Variants in PARD3B observed in about 807,000 individuals in gnomAD.
PARD3B encodes partitioning defective 3 homolog B.
PARD3B carries 103 observed loss-of-function variants against 130.2 expected under a neutral mutation model. The ratio of observed to expected loss-of-function variants is 0.79; its 90% CI spans 0.67 to 0.93. The LOEUF is 0.93. PARD3B is among the 40% of genes least tolerant of loss of function. The pLI is 0.00. For missense variants in PARD3B, 1,609 were observed against 1,499.2 expected, an observed-to-expected ratio of 1.07 and a Z score of -1.21; for synonymous variants, 583 against 553.2, an observed-to-expected ratio of 1.05 and a Z score of -0.76.
In PARD3B at chr2:205,550,403, C is replaced by T. The variant is rs1575331096; in HGVS notation, c.3181-2921C>T. On this transcript the variant is annotated intron_variant, in intron 21 of 22. Coordinates refer to ENST00000406610, the MANE Select transcript of PARD3B (RefSeq NM_001302769.2). The surrounding 1 kb of genome is among the most constrained non-coding windows in gnomAD (Gnocchi z 4.5). Reference sequence around the variant, plus strand: ...TCATTGCTTTGAATACAGTGAATGACTGCATTAATGATGTTGCAGTATCAA... The same window carrying T: ...TCATTGCTTTGAATACAGTGAATGATTGCATTAATGATGTTGCAGTATCAA... Among the ~76,000 whole-genome samples the T allele has an allele frequency of 6.6e-6, 1 of 152,174 alleles. No individual in the cohort carries two copies. Among genetic ancestry groups the T allele is most frequent in the South Asian group, 2.1e-4 (1 of 4,834 alleles).
intron 2 of PARD3B, among the ~76,000 whole-genome samples, chr2:204,827,650 G>A (rs6706563): frequency 0.99 from 150,984 of 152,358 alleles, 74,829 homozygotes; most frequent in Middle Eastern, 1. Flanking sequence ...AAGTAATCTG[G>A]TCACAATAAA....
At position 205,182,182 on chromosome 2, in the gene PARD3B, C is replaced by T. The variant is rs181931280; in HGVS notation, c.1925-3582C>T. Among the ~76,000 whole-genome samples, 75 of 152,130 alleles carry T rather than the reference C, an allele frequency of 4.9e-4. 1 individual carries two copies. In the East Asian group the frequency reaches 0.013, roughly 27 times the overall value. ...TGGCAGGTGCCTGTAGTCCCAGCTA[C>T]GCGGGAGGCTGAGGCAGGAGAATGG... On this transcript the variant is annotated intron_variant, in intron 13 of 22. Transcript: ENST00000406610.
intron 16 of PARD3B, among the ~76,000 whole-genome samples, chr2:205,256,538 A>G (rs934631707): frequency 2.6e-5 from 4 of 152,192 alleles, no homozygotes; most frequent in African/African-American, 9.6e-5. Context: ...GAGGAAGATT[A>G]TGGTTGGGGG....
chr2:204,943,040 GAAAAGACAAGAAAGACTTTGTGTA>G lies in PARD3B; in HGVS notation c.223-22085_223-22062del, dbSNP rs538629900. Among the ~76,000 whole-genome samples, 2 of 151,746 alleles carry G rather than the reference GAAAAGACAAGAAAGACTTTGTGTA, an allele frequency of 1.3e-5. No individual in the cohort carries two copies. The highest frequency in any genetic ancestry group is 2.1e-4 in the South Asian group (1 of 4,822). On this transcript the variant is annotated intron_variant, in intron 2 of 22. Coordinates refer to ENST00000406610, the MANE Select transcript of PARD3B (RefSeq NM_001302769.2). This position sits in a 1 kb window ranked among gnomAD's most constrained non-coding sequence, Gnocchi z 4.2. Reference sequence around the variant, plus strand: ...CCCCTGAAAAATAAAAATTAAAAAAGAAAAGACAAGAAAGACTTTGTGTAAAAAGACAAGAAAGACTTTGTGTAA... The same window carrying G: ...CCCCTGAAAAATAAAAATTAAAAAAGAAAAGACAAGAAAGACTTTGTGTAA...
Position 205,615,563 on chromosome 2 carries a change from A to T in PARD3B, c.3368A>T (p.Lys1123Ile), listed in dbSNP as rs761535119. The change falls in exon 23 of 23, where the codon AAA (lysine) becomes ATA (isoleucine). Residue 1123 changes from lysine to isoleucine, a missense_variant. Physicochemically the swap from Lys to Ile is moderately radical, Grantham distance 102 (BLOSUM62 -3). Transcript: ENST00000406610. ...GGGGCTCATCCTATGCACCCTCCCA[A>T]AGGGAGCTATCCCCGCCCCACAGAG... The part of the protein sequence containing the change: ...YPGAHPMHPP[K>I]GSYPRPTELR... The T allele has an allele frequency of 6.2e-7, 1 of 1,613,958 alleles. No homozygotes were observed. The highest frequency in any genetic ancestry group is 1.3e-5 in the African/African-American group (1 of 74,888).
intron 2 of PARD3B, among the ~76,000 whole-genome samples, chr2:204,779,140 C>G (rs928307647): frequency 4.6e-5 from 7 of 152,146 alleles, no homozygotes; most frequent in Admixed American, 1.3e-4. Flanking sequence ...TCTCCTCCCC[C>G]TCAGGTTTCT....
chr2:205,526,299 G>A (rs1025209483), intron 21 of PARD3B, among the ~76,000 whole-genome samples: 2 of 152,162 alleles, frequency 1.3e-5, no homozygotes, highest in African/African-American at 4.8e-5. Context: ...TCACAGGTCT[G>A]GCCCACTCAA....
At chr2:205,056,615 C>A (rs1031617864) in intron 4 of PARD3B, among the ~76,000 whole-genome samples, 2 of 151,600 alleles carry the variant, frequency 1.3e-5, no homozygotes, top group Non-Finnish European at 2.9e-5. Context: ...CTACTTTTAG[C>A]AAATCTTTTT....
At position 205,401,039 on chromosome 2, in the gene PARD3B, G is replaced by A; in HGVS notation, c.2657G>A (p.Gly886Asp). The A allele has an allele frequency of 3.1e-6, 5 of 1,601,716 alleles. No individual in the cohort carries two copies. Among genetic ancestry groups the A allele is most frequent in the Middle Eastern group, 3.3e-4 (2 of 6,044 alleles). The change falls in exon 19 of 23, where the codon GGT becomes GAT. Residue 886 changes from glycine (G) to aspartate (D), a missense_variant. Transcript: ENST00000406610. ...TTTGGAAAGAAGAAAGAGGATAAGG[G>A]TGGAAAGGCTGAGCAGAAAGGTACT... Reference protein sequence around the residue: ...LRFGKKKEDKGGKAEQKGTLK... With the variant: ...LRFGKKKEDKDGKAEQKGTLK...
In PARD3B at chr2:205,565,373, C is replaced by T. The variant is rs796568236; in HGVS notation, c.3260+11970C>T. On this transcript the variant is annotated intron_variant, in intron 22 of 22. Transcript: ENST00000406610. The stretch of plus-strand genomic sequence containing the variant: ...TCTTGGTCACTTTCCATTGATATGT[C>T]GGTGCCTTTGACAATTTATGTTAAA... Among the ~76,000 whole-genome samples, 25 of 152,250 alleles carry T rather than the reference C, an allele frequency of 1.6e-4. 1 individual carries two copies. In the South Asian group the frequency reaches 2.9e-3, roughly 18 times the overall value.
chr2:204,653,666 C>T (rs1452366743), intron 1 of PARD3B, among the ~76,000 whole-genome samples: 1 of 150,268 alleles, frequency 6.7e-6, no homozygotes, highest in Non-Finnish European at 1.5e-5. Context: ...TAGCGGGCGC[C>T]TGTAGTCCCA....
At chr2:205,484,784 T>G (rs1468619998) in intron 20 of PARD3B, among the ~76,000 whole-genome samples, 1 of 152,168 alleles carries the variant, frequency 6.6e-6, no homozygotes, top group African/African-American at 2.4e-5. Context: ...TACTCAATTA[T>G]TCCCCACACA....
intron 21 of PARD3B, among the ~76,000 whole-genome samples, chr2:205,551,499 C>G (rs771086162): frequency 6.6e-6 from 1 of 152,126 alleles, no homozygotes; most frequent in Non-Finnish European, 1.5e-5. Context: ...AAGTCTTCGT[C>G]CCTACCTACG....
In PARD3B at chr2:205,446,691, A is replaced by T. The variant is rs1230054080; in HGVS notation, c.3044+6019A>T. Reference sequence around the variant, plus strand: ...CTATAAATGACAGTGGTTAAAAAAAAATTTCTACCACCAGGACAGAGACAC... The same window carrying T: ...CTATAAATGACAGTGGTTAAAAAAATATTTCTACCACCAGGACAGAGACAC... On this transcript the variant is annotated intron_variant, in intron 20 of 22. Coordinates refer to ENST00000406610, the MANE Select transcript of PARD3B (RefSeq NM_001302769.2). The surrounding 1 kb of genome is among the most constrained non-coding windows in gnomAD (Gnocchi z 4.4). Among the ~76,000 whole-genome samples, 2 of 152,176 alleles carry T rather than the reference A, an allele frequency of 1.3e-5. No homozygotes were observed.
intron 2 of PARD3B, among the ~76,000 whole-genome samples, chr2:204,882,776 G>A (rs577270318): frequency 6.6e-6 from 1 of 152,224 alleles, no homozygotes; most frequent in East Asian, 1.9e-4. Context: ...GATTTAGATG[G>A]CTTTTCGGAG....
intron 2 of PARD3B, among the ~76,000 whole-genome samples, chr2:204,697,507 C>T (rs1399687842): frequency 1.3e-5 from 2 of 152,120 alleles, no homozygotes; most frequent in African/African-American, 4.8e-5. Flanking sequence ...CACAGGAGCT[C>T]ATCTTAGTCA....
At chr2:204,602,403 A>G (rs776377520) in intron 1 of PARD3B, among the ~76,000 whole-genome samples, 23 of 152,002 alleles carry the variant, frequency 1.5e-4, no homozygotes, top group Non-Finnish European at 2.8e-4. Context: ...ACTTTCTTAA[A>G]CAATAGTACA....
chr2:205,359,457 T>C (rs563372470), intron 18 of PARD3B, among the ~76,000 whole-genome samples: 1 of 152,340 alleles, frequency 6.6e-6, no homozygotes, highest in Non-Finnish European at 1.5e-5. Flanking sequence ...TATTTTGGAC[T>C]GAGTGCAAAG....
At chr2:204,786,312 A>G (rs938844372) in intron 2 of PARD3B, among the ~76,000 whole-genome samples, 2 of 152,024 alleles carry the variant, frequency 1.3e-5, no homozygotes, top group Non-Finnish European at 2.9e-5. Flanking sequence ...ATGTAGACTT[A>G]ATTTCCTACT....
Sources: allele counts gnomAD v4.1 joint callset (sites outside exome capture counted in the v4.1 genomes callset), GRCh38; gene constraint gnomAD v4.1.1; non-coding constraint Gnocchi (gnomAD v3.1); transcripts MANE v1.5; gene names NCBI Gene and HGNC (gene_info 2026-07-23, HGNC 2026-07-21).